The following DAB1 variants were observed in gnomAD, a reference collection of about 807,000 sequenced individuals.
The protein encoded by DAB1 is DAB adaptor protein 1, also known as disabled homolog 1.
DAB1 carries 15 observed loss-of-function variants against 64.6 expected under a neutral mutation model. The ratio of observed to expected loss-of-function variants is 0.23; its 90% CI spans 0.16 to 0.36. The LOEUF is 0.36. Among genes scored for constraint, DAB1 ranks in the 10% least tolerant of loss-of-function variants. The probability of loss-of-function intolerance (pLI) is 1.00; values close to 1 mark genes in which losing one functional copy is unlikely to be tolerated. For missense variants in DAB1, 596 were observed against 706.7 expected, an observed-to-expected ratio of 0.84 and a Z score of 1.78; for synonymous variants, 235 against 251.9, an observed-to-expected ratio of 0.93 and a Z score of 0.64.
chr1:57,801,589 G>A (rs1209725410), intron 6 of DAB1, among the ~76,000 whole-genome samples: 1 of 152,132 alleles, frequency 6.6e-6, no homozygotes, highest in African/African-American at 2.4e-5. Flanking sequence ...CAAAGGAACT[G>A]TATCACCTAG....
chr1:57,543,763 A>C (rs1217936523), intron 7 of DAB1, among the ~76,000 whole-genome samples: 1 of 121,590 alleles, frequency 8.2e-6, no homozygotes, highest in Non-Finnish European at 1.7e-5. Flanking sequence ...AGTACTACAA[A>C]ACTACTAAGC....
At chr1:58,086,702 C>G (rs1368175186) in intron 5 of DAB1, among the ~76,000 whole-genome samples, 1 of 151,874 alleles carries the variant, frequency 6.6e-6, no homozygotes, top group Non-Finnish European at 1.5e-5. Context: ...GGGAATGGCC[C>G]ACCACTCCTG....
chr1:57,590,401 C>A (rs1645429972), intron 7 of DAB1, among the ~76,000 whole-genome samples: 1 of 151,914 alleles, frequency 6.6e-6, no homozygotes, highest in African/African-American at 2.4e-5. Context: ...CTCACTGCAA[C>A]CTCCACCTCC....
At chr1:58,472,928 G>A (rs1489376459) in intron 3 of DAB1, among the ~76,000 whole-genome samples, 2 of 152,072 alleles carry the variant, frequency 1.3e-5, no homozygotes, top group Non-Finnish European at 2.9e-5. Flanking sequence ...AGCCAGCAGT[G>A]GCCACTCACC....
intron 5 of DAB1, among the ~76,000 whole-genome samples, chr1:58,055,969 C>T (rs1648042484): frequency 6.6e-6 from 1 of 151,194 alleles, no homozygotes; most frequent in Non-Finnish European, 1.5e-5. Flanking sequence ...AACTCCTGGG[C>T]TCAAGAAATC....
intron 6 of DAB1, among the ~76,000 whole-genome samples, chr1:57,810,638 G>T (rs1651575791): frequency 1.3e-5 from 2 of 152,058 alleles, no homozygotes; most frequent in Non-Finnish European, 2.9e-5. Flanking sequence ...GTGCAGCTGA[G>T]ATGTCACACC....
At chr1:57,026,970 C>G (rs573828348) in intron 9 of DAB1, among the ~76,000 whole-genome samples, 13 of 152,164 alleles carry the variant, frequency 8.5e-5, no homozygotes, top group Non-Finnish European at 1.9e-4. Context: ...TAAGGAAAAA[C>G]CACTTTTCCC....
intron 7 of DAB1, among the ~76,000 whole-genome samples, chr1:57,565,296 C>T (rs546953784): frequency 6.6e-6 from 1 of 152,306 alleles, no homozygotes; most frequent in South Asian, 2.1e-4. Flanking sequence ...AAAGGAACAA[C>T]AGGTACCAGC....
intron 4 of DAB1, among the ~76,000 whole-genome samples, chr1:58,275,269 G>C (rs747224665): frequency 3.3e-5 from 5 of 152,244 alleles, no homozygotes; most frequent in Admixed American, 2.6e-4. Flanking sequence ...ACATTAATTT[G>C]GCAATGATTT....
In DAB1 at chr1:58,332,066, T is replaced by C. The variant is rs576518235; in HGVS notation, n.309+11286A>G. Reference sequence around the variant, plus strand: ...CAGCTCCCATTTACTCCCTAATCCATATTGACTGACTCCTGCATCACCCTT... The same window carrying C: ...CAGCTCCCATTTACTCCCTAATCCACATTGACTGACTCCTGCATCACCCTT... On this transcript the variant is annotated intron_variant and non_coding_transcript_variant, in intron 4 of 20. Coordinates refer to the DAB1 transcript ENST00000485760. 1.5e-4 allele frequency among the ~76,000 whole-genome samples: 23 copies of C among 152,304 alleles called. 1 individual carries two copies. In the South Asian group the frequency reaches 2.1e-3, roughly 14 times the overall value.
chr1:57,105,290 C>G (rs1387212761), intron 4 of DAB1, among the ~76,000 whole-genome samples: 1 of 151,716 alleles, frequency 6.6e-6, no homozygotes, highest in East Asian at 1.9e-4. Context: ...TTAATTGGAC[C>G]CTGGAGCAAA....
chr1:57,605,896 A>T (rs766374281), intron 7 of DAB1: 8 of 667,966 alleles, frequency 1.2e-5, no homozygotes, highest in African/African-American at 3.5e-5. Flanking sequence ...CTCAGTACTG[A>T]TGGAAGTAAT....
At chr1:58,120,411 C>T (rs1370746267) in intron 5 of DAB1, among the ~76,000 whole-genome samples, 2 of 152,110 alleles carry the variant, frequency 1.3e-5, no homozygotes, top group Non-Finnish European at 2.9e-5. Context: ...TTGGAATAAG[C>T]CTGGCCTGGA....
At chr1:58,072,649 A>C (rs1411114983) in intron 5 of DAB1, among the ~76,000 whole-genome samples, 1 of 152,240 alleles carries the variant, frequency 6.6e-6, no homozygotes, top group African/African-American at 2.4e-5. Flanking sequence ...TGAGATGAGG[A>C]AATTGCTGAG....
intron 6 of DAB1, among the ~76,000 whole-genome samples, chr1:57,690,098 C>T (rs1486707919): frequency 6.6e-6 from 1 of 152,124 alleles, no homozygotes; most frequent in Admixed American, 6.5e-5. Context: ...CACTCTTTTT[C>T]ATGGCTGAAT....
chr1:58,001,127 A>T (rs1646500759), intron 5 of DAB1, among the ~76,000 whole-genome samples: 1 of 147,440 alleles, frequency 6.8e-6, no homozygotes, highest in African/African-American at 2.5e-5. Flanking sequence ...AATTTTCTCC[A>T]TTTTCTCTCC....
At chr1:58,242,518 G>C (rs937200134) in intron 4 of DAB1, among the ~76,000 whole-genome samples, 3 of 152,088 alleles carry the variant, frequency 2.0e-5, no homozygotes, top group Non-Finnish European at 2.9e-5. Flanking sequence ...TACATCTAAA[G>C]AGATAAGTGA....
intron 5 of DAB1, among the ~76,000 whole-genome samples, chr1:58,149,404 A>T (rs1277059213): frequency 6.6e-6 from 1 of 152,196 alleles, no homozygotes; most frequent in Admixed American, 6.5e-5. Flanking sequence ...GTGGTGATGG[A>T]GGGCACTATT....
At chr1:57,226,016 T>C (rs186723064) in intron 2 of DAB1, among the ~76,000 whole-genome samples, 33 of 152,266 alleles carry the variant, frequency 2.2e-4, no homozygotes, top group Non-Finnish European at 4.4e-4. Context: ...CCTCTTGGCC[T>C]CTCATTCTCC....
Sources: allele counts gnomAD v4.1 joint callset (sites outside exome capture counted in the v4.1 genomes callset), GRCh38; gene constraint gnomAD v4.1.1; transcripts MANE v1.5; gene names NCBI Gene and HGNC (gene_info 2026-07-23, HGNC 2026-07-21).